Variants in CNDP1 observed in about 807,000 individuals in gnomAD.
The protein encoded by CNDP1 is beta-Ala-His dipeptidase.
Under a neutral mutation model 58.1 loss-of-function variants are expected in CNDP1, and 44 were observed. The ratio of observed to expected loss-of-function variants is 0.76; its 90% CI spans 0.60 to 0.97. CNDP1 has a LOEUF of 0.97. CNDP1 is among the 50% of genes least tolerant of loss of function. CNDP1 has a pLI of 0.00. For missense variants in CNDP1, 616 were observed against 655.1 expected (o/e 0.94, Z 0.65); for synonymous variants, 254 against 252.6 (o/e 1.01, Z -0.05).
At chr18:74,584,320 G>T in intron 11 of CNDP1, 176 bp from the exon 12 acceptor site, 2 of 583,086 alleles carry the variant, frequency 3.4e-6, no homozygotes, top group Non-Finnish European at 3.1e-6. Flanking sequence ...TAATAATAAT[G>T]CAATTTTCAC....
rs1431918071 is a variant in CNDP1, at chr18:74,556,381, G to T, written c.68G>T (p.Gly23Val). The T allele has an allele frequency of 1.3e-5, 21 of 1,605,384 alleles. No individual in the cohort carries two copies. Among genetic ancestry groups the T allele is most frequent in the East Asian group, 2.2e-5 (1 of 44,890 alleles). ...LAVLLLLLER[G>V]MFSSPSPPPA... ...GTGCTGCTGCTGCTGCTGGAGCGCG[G>T]CATGTTCTCCTCACCCTCCCCGCCC... Residue 23 changes from glycine to valine, a missense_variant, in exon 2 of 12, where the codon GGC becomes GTC. Gly to Val is a moderately radical substitution (Grantham distance 109). Coordinates refer to ENST00000358821, the MANE Select transcript of CNDP1 (RefSeq NM_032649.6).
At chr18:74,551,361 AACACACACACACACACACACAC>A (rs74178982) in intron 1 of CNDP1, among the ~76,000 whole-genome samples, 1 of 147,968 alleles carries the variant, frequency 6.8e-6, no homozygotes, top group Admixed American at 6.7e-5. Context: ...GCACAACTGT[AACACACACACACACACACACAC>A]ACACACACAC....
chr18:74,567,201 T>A, intron 5 of CNDP1, 32 bp from the exon 6 acceptor site: 1 of 1,577,168 alleles, frequency 6.3e-7, no homozygotes, highest in Non-Finnish European at 8.7e-7. Context: ...ATCAGGCAAC[T>A]TGTGCAATTT....
chr18:74,565,184 A>G (rs1159249712), intron 5 of CNDP1, among the ~76,000 whole-genome samples: 1 of 152,200 alleles, frequency 6.6e-6, no homozygotes. Flanking sequence ...CCATGATTCA[A>G]TTACCTCCCC....
intron 1 of CNDP1, among the ~76,000 whole-genome samples, chr18:74,551,733 C>G (rs560883734): frequency 1.3e-5 from 2 of 152,150 alleles, no homozygotes; most frequent in African/African-American, 4.8e-5. Flanking sequence ...GAACTATTCT[C>G]TCCTAACAAC....
At chr18:74,551,361 A>AACACACACAC (rs74178982) in intron 1 of CNDP1, among the ~76,000 whole-genome samples, 7,398 of 147,958 alleles carry the variant, frequency 0.05, 258 homozygotes, top group African/African-American at 0.085. Context: ...GCACAACTGT[A>AACACACACAC]ACACACACAC....
intron 5 of CNDP1, 79 bp downstream of exon 5, chr18:74,562,214 G>A (rs1375224049): frequency 7.7e-7 from 1 of 1,292,910 alleles, no homozygotes; most frequent in East Asian, 2.3e-5. Context: ...GCTGTGTTCT[G>A]AGCAAACTGC....
rs563863363 is a variant in CNDP1 at position 74,534,512 on chromosome 18, C to T, written c.-156C>T. ...CGCTTTGTTCTCCAGATGTGAATAG[C>T]TCCACTATACCAGCCTCGTCTTCCT... On this transcript the variant is annotated 5_prime_UTR_variant, in exon 1 of 12. Coordinates refer to ENST00000358821, the MANE Select transcript of CNDP1 (RefSeq NM_032649.6). 5.6e-6 allele frequency: 4 copies of T among 711,536 alleles called. No homozygotes were observed. The highest frequency in any genetic ancestry group is 2.3e-5 in the Admixed American group (1 of 42,986). The allele number at this position is 711,536 out of a possible 1,614,324, so 44.1% of individuals were successfully genotyped here. A position where few individuals can be genotyped will look rare whatever the true frequency, so the allele number is the denominator to read the frequency against.
Position 74,539,178 on chromosome 18 carries a change from C to CAA in CNDP1, c.24+4498_24+4499dup, listed in dbSNP as rs5826332. Among the ~76,000 whole-genome samples the CAA allele has an allele frequency of 4.7e-3, 680 of 143,226 alleles. 6 individuals are homozygous for CAA. The highest frequency in any genetic ancestry group is 6.8e-3 in the Non-Finnish European group (446 of 65,796). The allele number at this position is 143,226 out of a possible 152,430, so 94.0% of individuals were successfully genotyped here. A position where few individuals can be genotyped will look rare whatever the true frequency, so the allele number is the denominator to read the frequency against. ...CTACAACAAGGTTTCTCCCTCATCT[C>CAA]AAAAAAAAAAAAGCCTTCCCTATCA... is the stretch of plus-strand genomic sequence containing the variant. On this transcript the variant is annotated intron_variant, in intron 1 of 11. Coordinates refer to ENST00000358821, the MANE Select transcript of CNDP1 (RefSeq NM_032649.6).
chr18:74,543,225 C>T (rs1243792072), intron 1 of CNDP1, among the ~76,000 whole-genome samples: 2 of 152,198 alleles, frequency 1.3e-5, no homozygotes, highest in African/African-American at 2.4e-5. Flanking sequence ...TGTGGTGGCT[C>T]ATGCCTGTAA....
At chr18:74,559,615 C>A (rs1475578536) in intron 3 of CNDP1, 143 bp downstream of exon 3, 1 of 758,424 alleles carries the variant, frequency 1.3e-6, no homozygotes, top group East Asian at 2.8e-5. Context: ...ATGAAACATT[C>A]CCCTGGTCTC....
At position 74,567,534 on chromosome 18, in the gene CNDP1, T is replaced by C. The variant is rs1349338766; in HGVS notation, c.756+101T>C. 32 of 1,087,374 alleles carry C rather than the reference T, an allele frequency of 2.9e-5. No individual in the cohort carries two copies. In the Admixed American group the frequency reaches 6.2e-4, roughly 21 times the overall value. The allele number at this position is 1,087,374 out of a possible 1,614,324, so 67.4% of individuals were successfully genotyped here. A position where few individuals can be genotyped will look rare whatever the true frequency, so the allele number is the denominator to read the frequency against. On this transcript the variant is annotated intron_variant, in intron 6 of 11. Transcript: ENST00000358821. The stretch of plus-strand genomic sequence containing the variant: ...TGGAGAGGAAGAAAGAAAGCTTTCC[T>C]GAGGGCAGAGGCCTTACCTGGGACA...
rs138535410 is a variant in CNDP1 at position 74,580,247 on chromosome 18, G to C, written c.1285G>C (p.Ala429Pro). The stretch of plus-strand genomic sequence containing the variant: ...AAATATTGATGACACCCAGTATCTC[G>C]CAGCAAAAAGAGCGATCAGAACAGG... The part of the protein sequence containing the change: ...IANIDDTQYL[A>P]AKRAIRTVFG... The change falls in exon 10 of 12, where the codon GCA becomes CCA. Residue 429 changes from alanine to proline, a missense_variant. Transcript: ENST00000358821. 8.7e-6 allele frequency: 14 copies of C among 1,614,018 alleles called. No homozygotes were observed. The highest frequency in any genetic ancestry group is 1.2e-5 in the Non-Finnish European group (14 of 1,180,016).
chr18:74,583,865 G>C (rs1215208466), intron 11 of CNDP1, 157 bp downstream of exon 11: 14 of 735,116 alleles, frequency 1.9e-5, no homozygotes, highest in Non-Finnish European at 3.1e-5. Context: ...CAGTTCTGGA[G>C]CCTGGATGCC....
chr18:74,547,347 G>A (rs913220092), intron 1 of CNDP1, among the ~76,000 whole-genome samples: 8 of 152,344 alleles, frequency 5.3e-5, no homozygotes, highest in African/African-American at 1.9e-4. Context: ...CCCTGAACAA[G>A]GGTCTGGCTG....
chr18:74,558,597 C>T (rs139630985), intron 2 of CNDP1, among the ~76,000 whole-genome samples: 14,493 of 151,802 alleles, frequency 0.095, 947 homozygotes, highest in Non-Finnish European at 0.14. Context: ...GGTTTCACCA[C>T]GTTAGCCAGG....
At chr18:74,565,722 G>A (rs1043128030) in intron 5 of CNDP1, among the ~76,000 whole-genome samples, 2 of 152,176 alleles carry the variant, frequency 1.3e-5, no homozygotes, top group Non-Finnish European at 2.9e-5. Flanking sequence ...TGCTTTCATG[G>A]GCTGGCATTG....
intron 5 of CNDP1, among the ~76,000 whole-genome samples, chr18:74,566,896 T>C (rs945539241): frequency 6.6e-6 from 1 of 152,148 alleles, no homozygotes; most frequent in Non-Finnish European, 1.5e-5. Flanking sequence ...TACCCAAGAC[T>C]GGGAAGAAAA....
chr18:74,558,522 G>A (rs1470307194), intron 2 of CNDP1, among the ~76,000 whole-genome samples: 1 of 150,860 alleles, frequency 6.6e-6, no homozygotes, highest in Non-Finnish European at 1.5e-5. Context: ...AGCCTCCCAA[G>A]TAGCTGGGAC....
Sources: gnomAD v4.1 joint callset for allele counts (sites outside exome capture counted in the v4.1 genomes callset) on GRCh38, gnomAD v4.1.1 for gene constraint, MANE v1.5 for transcripts, NCBI Gene and HGNC (gene_info 2026-07-23, HGNC 2026-07-21) for gene names.